The following PCDHA1 variants were observed in gnomAD, a reference collection of about 807,000 sequenced individuals.
PCDHA1 encodes protocadherin alpha-1.
A neutral mutation model predicts 61.3 loss-of-function variants in PCDHA1; 42 were observed. The ratio of observed to expected loss-of-function variants is 0.69; its 90% CI spans 0.54 to 0.89. The LOEUF (loss-of-function observed/expected upper bound fraction) is 0.89. Among genes scored for constraint, PCDHA1 ranks in the 40% least tolerant of loss-of-function variants. PCDHA1 has a pLI of 0.00. For synonymous variants in PCDHA1, 610 were observed against 553.8 expected (o/e 1.10, Z -1.43); for missense variants, 1,256 against 1,235.3 (o/e 1.02, Z -0.25).
At chr5:140,963,220 G>A (rs2095749091) in intron 1 of PCDHA1, among the ~76,000 whole-genome samples, 2 of 152,122 alleles carry the variant, frequency 1.3e-5, no homozygotes, top group East Asian at 1.9e-4. Flanking sequence ...CGTGTTTAGA[G>A]TAGACACTGT....
intron 3 of PCDHA1, among the ~76,000 whole-genome samples, chr5:140,988,281 A>G (rs2097291171): frequency 2.0e-5 from 3 of 152,202 alleles, no homozygotes; most frequent in Admixed American, 2.0e-4. Context: ...GTCACCTGCC[A>G]TCTGACAGCC....
intron 1 of PCDHA1, among the ~76,000 whole-genome samples, chr5:140,818,531 T>A (rs1766379937): frequency 6.6e-6 from 1 of 152,224 alleles, no homozygotes; most frequent in African/African-American, 2.4e-5. Flanking sequence ...AGATTATCAT[T>A]TTTCTCCATT....
At chr5:140,795,072 C>T (rs781856991) in intron 1 of PCDHA1, 1 of 1,613,964 alleles carries the variant, frequency 6.2e-7, no homozygotes, top group Non-Finnish European at 8.5e-7. Flanking sequence ...ACTCCGTCCC[C>T]GAGGAGGCCA....
chr5:140,926,585 G>T, intron 1 of PCDHA1: 1 of 283,896 alleles, frequency 3.5e-6, no homozygotes, highest in Non-Finnish European at 6.5e-6. Flanking sequence ...CACCTCTCGC[G>T]CCCGGGCGGG....
intron 1 of PCDHA1, chr5:140,865,437 T>C (rs951308725): frequency 3.3e-5 from 5 of 152,200 alleles, no homozygotes; most frequent in Non-Finnish European, 7.3e-5. Context: ...GAAAAATAAC[T>C]TCTGAGAAGA....
rs781991042 is a variant in PCDHA1, at chr5:140,968,933, A to G, written c.2395-10016A>G. ...AGTGTCTTTTATATTTCTTTTGACA[A>G]TCATCATTTTGAGCATCATCAAGTG... On this transcript the variant is annotated intron_variant, in intron 1 of 3. Transcript: ENST00000504120. 77 of 1,614,052 alleles carry G rather than the reference A, an allele frequency of 4.8e-5. No individual in the cohort carries two copies. Among genetic ancestry groups the G allele is most frequent in the Non-Finnish European group, 6.0e-5 (71 of 1,180,034 alleles).
At chr5:140,869,746 A>G in intron 1 of PCDHA1, 1 of 1,613,340 alleles carries the variant, frequency 6.2e-7, no homozygotes, top group Non-Finnish European at 8.5e-7. Flanking sequence ...GCTAACAGCT[A>G]CAGACGGGGG....
chr5:140,789,285 A>T (rs550038945), intron 1 of PCDHA1, among the ~76,000 whole-genome samples: 12 of 152,308 alleles, frequency 7.9e-5, no homozygotes, highest in Non-Finnish European at 1.6e-4. Context: ...CCCCGTCTCA[A>T]CTAAAAATAC....
intron 1 of PCDHA1, chr5:140,809,188 G>T (rs372654960): frequency 4.8e-5 from 78 of 1,613,914 alleles, no homozygotes; most frequent in Non-Finnish European, 6.4e-5. Context: ...CTGTGCTGGT[G>T]TCACTTGTGG....
intron 1 of PCDHA1, among the ~76,000 whole-genome samples, chr5:140,920,012 G>A (rs531392984): frequency 2.6e-5 from 4 of 152,314 alleles, no homozygotes; most frequent in East Asian, 1.9e-4. Context: ...AAGGCCATGC[G>A]AAGATGGAGA....
rs550730996 is a variant in PCDHA1, at chr5:140,982,280, G to T, written c.2454-195G>T. The T allele has an allele frequency of 2.1e-5, 21 of 1,007,278 alleles. No homozygotes were observed. The Admixed American group carries it at 5.3e-4, about 25-fold the overall frequency. 62.4% of individuals were successfully genotyped at this position (1,007,278 alleles called of 1,614,324 possible). A position where few individuals can be genotyped will look rare whatever the true frequency, so the allele number is the denominator to read the frequency against. ...GTGTGTTCCTGGAATAGTATAGCAGGCAATAAGTAAGTCAGCAATGCTTCT... is the reference window on the plus strand; with the variant it reads ...GTGTGTTCCTGGAATAGTATAGCAGTCAATAAGTAAGTCAGCAATGCTTCT... On this transcript the variant is annotated intron_variant, in intron 2 of 3. Transcript: ENST00000504120.
intron 2 of PCDHA1, 125 bp downstream of exon 2, chr5:140,979,132 A>T: frequency 4.8e-6 from 7 of 1,471,500 alleles, no homozygotes; most frequent in Non-Finnish European, 6.3e-6. Context: ...TGCCAGGAAA[A>T]TGCAATTATT....
chr5:140,787,928 C>A lies in PCDHA1; in HGVS notation c.1638C>A (p.Gly546=). ...SARDAGVPPL[G]SNVTLQVFVL... ...GGGATGCGGGCGTGCCGCCTCTGGG[C>A]AGCAACGTGACGCTGCAGGTGTTCG... Residue 546 remains glycine (G), a synonymous_variant, in exon 1 of 4, where the codon GGC becomes GGA. Coordinates refer to ENST00000504120, the MANE Select transcript of PCDHA1 (RefSeq NM_018900.4). 2.5e-6 allele frequency: 4 copies of A among 1,613,808 alleles called. No homozygotes were observed. The highest frequency in any genetic ancestry group is 1.3e-5 in the African/African-American group (1 of 75,036).
chr5:140,999,091 T>G (rs1342614556), intron 3 of PCDHA1, among the ~76,000 whole-genome samples: 1 of 152,208 alleles, frequency 6.6e-6, no homozygotes, highest in South Asian at 2.1e-4. Flanking sequence ...TTCAGAGGGC[T>G]ATGGAGAGTA....
At chr5:140,845,952 T>C (rs1262858595) in intron 1 of PCDHA1, among the ~76,000 whole-genome samples, 2 of 149,750 alleles carry the variant, frequency 1.3e-5, no homozygotes, top group Non-Finnish European at 3.0e-5. Context: ...AGTCATTTTT[T>C]AGATTAACCT....
At chr5:140,959,281 G>T (rs1395135880) in intron 1 of PCDHA1, among the ~76,000 whole-genome samples, 2 of 152,044 alleles carry the variant, frequency 1.3e-5, no homozygotes, top group Admixed American at 1.3e-4. Context: ...GGAGCCTGAG[G>T]TGGGAGCATC....
Position 140,787,850 on chromosome 5 carries a change from G to A in PCDHA1, c.1560G>A (p.Leu520=). Residue 520 remains leucine, a synonymous_variant, in exon 1 of 4, where the codon CTG becomes CTA. Coordinates refer to ENST00000504120, the MANE Select transcript of PCDHA1 (RefSeq NM_018900.4). ...CGGAGAGCGGCAAGGTGTACGCACT[G>A]CAGCCCCTGGACCACGAGGAGCTGG... ...VHAESGKVYA[L]QPLDHEELEL... is the part of the protein sequence containing the mutation. 1.2e-6 allele frequency: 2 copies of A among 1,612,786 alleles called. No individual in the cohort carries two copies. The highest frequency in any genetic ancestry group is 2.2e-5 in the East Asian group (1 of 44,864).
chr5:140,802,388 G>A (rs1554122097), intron 1 of PCDHA1: 22 of 1,614,230 alleles, frequency 1.4e-5, no homozygotes, highest in Non-Finnish European at 1.9e-5. Flanking sequence ...CCTTCAAGCT[G>A]GTGTCCACCT....
At chr5:140,803,515 G>C (rs782173902) in intron 1 of PCDHA1, 22 of 1,614,242 alleles carry the variant, frequency 1.4e-5, no homozygotes, top group Non-Finnish European at 1.9e-5. Context: ...ATGGCTTTTA[G>C]CCCTAGCCTT....
Sources: gnomAD v4.1 joint callset for allele counts (sites outside exome capture counted in the v4.1 genomes callset) on GRCh38, gnomAD v4.1.1 for gene constraint, MANE v1.5 for transcripts, NCBI Gene and HGNC (gene_info 2026-07-23, HGNC 2026-07-21) for gene names.